The following RIF1 variants were observed in gnomAD, a reference collection of about 807,000 sequenced individuals.
The protein encoded by RIF1 is replication timing regulatory factor 1, also known as telomere-associated protein RIF1.
Under a neutral mutation model 247.1 loss-of-function variants are expected in RIF1, and 45 were observed. The observed-to-expected ratio is 0.18, with a 90% CI of 0.14 to 0.23. The LOEUF (loss-of-function observed/expected upper bound fraction) is 0.23. Among genes scored for constraint, RIF1 ranks in the 10% least tolerant of loss-of-function variants. The pLI, the probability that RIF1 is intolerant of heterozygous loss-of-function variation, is 1.00. For synonymous variants in RIF1, 1,087 were observed against 978.8 expected (o/e 1.11, Z -2.06); for missense variants, 2,967 against 2,862.5 (o/e 1.04, Z -0.83).
At chr2:151,519,212 G>T in the RIF1 span, 2 of 669,084 alleles carry the variant, frequency 3.0e-6, no homozygotes, top group South Asian at 1.7e-5. Flanking sequence ...TAGCCAGAAG[G>T]CAGAAACAAC....
chr2:151,490,103 A>T (rs1443794383), intron 9 of RIF1: 9 of 1,544,176 alleles, frequency 5.8e-6, no homozygotes, highest in Non-Finnish European at 8.0e-6. Context: ...CAAATTCTTT[A>T]TAAGAAGAAA....
intron 26 of RIF1, 25 bp from the exon 27 acceptor site, chr2:151,461,113 T>C (rs763855585): frequency 3.2e-5 from 51 of 1,595,730 alleles, no homozygotes; most frequent in African/African-American, 4.1e-5. Flanking sequence ...AAAATGTACA[T>C]TTGCTTATTT....
At chr2:151,422,720 G>C (rs1688389142) in intron 7 of RIF1, among the ~76,000 whole-genome samples, 5 of 151,748 alleles carry the variant, frequency 3.3e-5, no homozygotes, top group Admixed American at 2.0e-4. Flanking sequence ...GGCCAGTCTT[G>C]AACTCCTGAC....
the RIF1 span, among the ~76,000 whole-genome samples, chr2:151,521,994 A>G: frequency 6.6e-6 from 1 of 152,186 alleles, no homozygotes; most frequent in African/African-American, 2.4e-5. Context: ...TACACTTGGC[A>G]TTAGGGAATG....
chr2:151,453,050 T>TA (rs2152445979), intron 21 of RIF1, among the ~76,000 whole-genome samples: 1 of 152,318 alleles, frequency 6.6e-6, no homozygotes, highest in East Asian at 1.9e-4. Context: ...TTTGGTGACT[T>TA]ACATTGTGAT....
chr2:151,507,253 T>A lies in RIF1; in HGVS notation c.*1028-476T>A. 1.9e-5 allele frequency: 8 copies of A among 416,944 alleles called. No individual in the cohort carries two copies. The South Asian group carries it at 2.5e-4, about 13-fold the overall frequency. The allele number at this position is 416,944 out of a possible 1,614,324, so 25.8% of individuals were successfully genotyped here. ...TTTAAGTATCCCTTGCTTAGTAGAT[T>A]TAACTTTGAAAAAGATAGATGTCTC... On this transcript the variant is annotated intron_variant and NMD_transcript_variant, in intron 13 of 13. Transcript: ENST00000454583.
rs1054550068 is a variant in RIF1, at chr2:151,477,644, T to G, written c.*2573T>G. On this transcript the variant is annotated 3_prime_UTR_variant, in exon 36 of 36. Coordinates refer to ENST00000444746, the MANE Select transcript of RIF1 (RefSeq NM_018151.5). ...TAGCCAGGATGGTCTTGATCTGACCTCGTGATCCGCCTGCCTCGGCCTCCC... is the reference window on the plus strand; with the variant it reads ...TAGCCAGGATGGTCTTGATCTGACCGCGTGATCCGCCTGCCTCGGCCTCCC... The G allele has an allele frequency of 2.6e-5, 4 of 152,274 alleles. No homozygotes were observed. Among genetic ancestry groups the G allele is most frequent in the African/African-American group, 4.8e-5 (2 of 41,384 alleles). 9.4% of individuals were successfully genotyped at this position (152,274 alleles called of 1,614,324 possible).
chr2:151,497,005 C>G, intron 10 of RIF1: 1 of 1,575,446 alleles, frequency 6.3e-7, no homozygotes, highest in South Asian at 1.2e-5. Context: ...TAGAGGGGTT[C>G]CCTTGCCCAT....
chr2:151,513,635 G>A, the RIF1 span: 1 of 1,610,536 alleles, frequency 6.2e-7, no homozygotes, highest in Middle Eastern at 1.7e-4. Flanking sequence ...AGTTTCATTG[G>A]CCATGGCATT....
In RIF1 at chr2:151,418,991, T is replaced by A. The variant is rs1428757599; in HGVS notation, c.504-1199T>A. Among the ~76,000 whole-genome samples, 7 of 63,594 alleles carry A rather than the reference T, an allele frequency of 1.1e-4. No individual in the cohort carries two copies. In the East Asian group the frequency reaches 2.2e-3, roughly 20 times the overall value. 41.7% of individuals were successfully genotyped at this position (63,594 alleles called of 152,430 possible). A position where few individuals can be genotyped will look rare whatever the true frequency, so the allele number is the denominator to read the frequency against. On this transcript the variant is annotated intron_variant, in intron 6 of 35. Transcript: ENST00000444746. The stretch of plus-strand genomic sequence containing the variant: ...TTCTTTTTTTTTTTTTTTTTTTTTT[T>A]AACTTTCATAACTTTTTGGTTAGCA...
intron 27 of RIF1, among the ~76,000 whole-genome samples, chr2:151,462,000 A>G (rs1696256964): frequency 6.6e-6 from 1 of 152,030 alleles, no homozygotes; most frequent in South Asian, 2.1e-4. Context: ...CAACCTCCCA[A>G]GTAGCTGGGA....
intron 12 of RIF1, chr2:151,503,205 CAT>C: frequency 4.7e-6 from 3 of 632,602 alleles, no homozygotes; most frequent in South Asian, 2.0e-5. Flanking sequence ...TTTGTATTAA[CAT>C]AATTTTGGTC....
the RIF1 span, chr2:151,518,356 G>C: frequency 6.2e-7 from 1 of 1,611,750 alleles, no homozygotes; most frequent in Non-Finnish European, 8.5e-7. Context: ...AGGTGAAGCT[G>C]CTCCAGATTA....
chr2:151,446,935 T>A (rs1423881082), intron 20 of RIF1, among the ~76,000 whole-genome samples: 3 of 140,650 alleles, frequency 2.1e-5, no homozygotes, highest in Non-Finnish European at 4.5e-5. Context: ...TATAAGTCTC[T>A]TTTCTCTTTC....
intron 9 of RIF1, among the ~76,000 whole-genome samples, chr2:151,432,004 GTTATTTAT>G (rs928538560): frequency 2.6e-5 from 4 of 152,020 alleles, no homozygotes; most frequent in African/African-American, 9.7e-5. Context: ...TCCTTTTCAA[GTTATTTAT>G]TTATTTATTT....
chr2:151,465,287 A>G lies in RIF1; in HGVS notation c.5767A>G (p.Asn1923Asp), dbSNP rs1480266677. 2 of 1,612,258 alleles carry G rather than the reference A, an allele frequency of 1.2e-6. No homozygotes were observed. The highest frequency in any genetic ancestry group is 1.7e-6 in the Non-Finnish European group (2 of 1,179,574). ...KAKTMELNVG[N>D]EASFHGQERT... is the part of the protein sequence containing the mutation. ...AAAAACTATGGAATTGAATGTAGGA[A>G]ATGAAGCTAGCTTTCATGGACAAGA... is the stretch of plus-strand genomic sequence containing the variant. Residue 1923 changes from asparagine (N) to aspartate (D), a missense_variant, in exon 30 of 36, where the codon AAT (asparagine) becomes GAT (aspartate). By Grantham distance (23) the Asn-to-Asp change is conservative. Coordinates refer to ENST00000444746, the MANE Select transcript of RIF1 (RefSeq NM_018151.5).
chr2:151,464,198 A>G lies in RIF1; in HGVS notation c.4678A>G (p.Lys1560Glu), dbSNP rs1696586091. The G allele has an allele frequency of 1.2e-6, 2 of 1,612,042 alleles. No homozygotes were observed. The highest frequency in any genetic ancestry group is 1.1e-5 in the South Asian group (1 of 90,614). ...ENSESDSSEA[K>E]EEGSRKKRSG... is the part of the protein sequence containing the mutation. ...CTCAGAATCTGATAGTTCGGAGGCAAAAGAAGAAGGTTCTAGGAAGAAGAG... is the reference window on the plus strand; with the variant it reads ...CTCAGAATCTGATAGTTCGGAGGCAGAAGAAGAAGGTTCTAGGAAGAAGAG... The change falls in exon 30 of 36, where the codon AAA becomes GAA. Residue 1560 changes from lysine to glutamate, a missense_variant. Transcript: ENST00000444746.
At chr2:151,527,354 C>T in the RIF1 span, 4 of 811,906 alleles carry the variant, frequency 4.9e-6, no homozygotes, top group Non-Finnish European at 7.7e-6. Flanking sequence ...CAACCATCCT[C>T]CTCTCCTTCT....
intron 20 of RIF1, among the ~76,000 whole-genome samples, chr2:151,450,258 T>C (rs917981372): frequency 6.6e-6 from 1 of 152,196 alleles, no homozygotes; most frequent in Non-Finnish European, 1.5e-5. Context: ...TTTATTTTAC[T>C]GTATTGTGAT....
Sources: allele counts gnomAD v4.1 joint callset (sites outside exome capture counted in the v4.1 genomes callset), GRCh38; gene constraint gnomAD v4.1.1; transcripts MANE v1.5; gene names NCBI Gene and HGNC (gene_info 2026-07-23, HGNC 2026-07-21).